The following DCC variants were observed in gnomAD, a reference collection of about 807,000 sequenced individuals.
DCC encodes netrin receptor DCC.
Under a neutral mutation model 172.5 loss-of-function variants are expected in DCC, and 58 were observed. The ratio of observed to expected loss-of-function variants is 0.34; its 90% CI spans 0.27 to 0.42. DCC has a LOEUF of 0.42. DCC is among the 10% of genes least tolerant of loss of function. DCC has a pLI of 1.00. For missense variants in DCC, 1,740 were observed against 1,791.0 expected (o/e 0.97, Z 0.51); for synonymous variants, 709 against 644.5 (o/e 1.10, Z -1.52).
At chr18:52,914,772 G>C (rs1016693924) in intron 3 of DCC, among the ~76,000 whole-genome samples, 14 of 152,254 alleles carry the variant, frequency 9.2e-5, no homozygotes, top group Admixed American at 9.2e-4. Flanking sequence ...ATGCGGGATG[G>C]CTAAGCAGCC....
chr18:53,005,173 A>G (rs556510925), intron 5 of DCC, among the ~76,000 whole-genome samples: 1 of 152,266 alleles, frequency 6.6e-6, no homozygotes, highest in East Asian at 1.9e-4. Context: ...GTTTTGCATA[A>G]CTTACCCAGT....
At chr18:52,984,020 C>T (rs1432376218) in intron 5 of DCC, among the ~76,000 whole-genome samples, 3 of 152,136 alleles carry the variant, frequency 2.0e-5, no homozygotes, top group East Asian at 3.9e-4. Context: ...AATATTTTCA[C>T]ACTATGGAAC....
chr18:52,713,479 T>C (rs1433455530), intron 1 of DCC, among the ~76,000 whole-genome samples: 2 of 152,142 alleles, frequency 1.3e-5, no homozygotes, highest in Middle Eastern at 3.2e-3. Flanking sequence ...CTGGTGCCAC[T>C]TGGGGTCTGG....
At chr18:52,895,961 T>G (rs1462855195) in intron 2 of DCC, among the ~76,000 whole-genome samples, 1 of 152,134 alleles carries the variant, frequency 6.6e-6, no homozygotes, top group African/African-American at 2.4e-5. Context: ...ATTTTTGTAC[T>G]TTTAGTTGAG....
rs1568164319 is a variant in DCC, at chr18:52,879,411, G to GTTTTTTTT, written c.413-26633_413-26632insTTTTTTTT. Among the ~76,000 whole-genome samples, 9 of 44,958 alleles carry GTTTTTTTT rather than the reference G, an allele frequency of 2.0e-4. 1 individual carries two copies. Among genetic ancestry groups the GTTTTTTTT allele is most frequent in the Admixed American group, 8.7e-4 (3 of 3,466 alleles). 29.5% of individuals were successfully genotyped at this position (44,958 alleles called of 152,430 possible). A position where few individuals can be genotyped will look rare whatever the true frequency, so the allele number is the denominator to read the frequency against. ...AAATTTCTAGCCCATATGTTGTTTG[G>GTTTTTTTT]CTTTTTTTTTTTTTTTTTTTTTTTT... On this transcript the variant is annotated intron_variant, in intron 2 of 28. Coordinates refer to ENST00000442544, the MANE Select transcript of DCC (RefSeq NM_005215.4).
At chr18:53,510,421 G>C (rs2046236480) in intron 27 of DCC, among the ~76,000 whole-genome samples, 1 of 152,146 alleles carries the variant, frequency 6.6e-6, no homozygotes, top group Non-Finnish European at 1.5e-5. Flanking sequence ...TATTTGAGCA[G>C]TCAAGTAGTT....
intron 7 of DCC, among the ~76,000 whole-genome samples, chr18:53,111,751 G>C (rs1269117032): frequency 6.6e-6 from 1 of 151,546 alleles, no homozygotes; most frequent in East Asian, 1.9e-4. Flanking sequence ...AATCCTGTTG[G>C]AATTAATTGA....
intron 27 of DCC, among the ~76,000 whole-genome samples, chr18:53,521,913 T>C (rs904340224): frequency 4.2e-4 from 64 of 152,054 alleles, no homozygotes; most frequent in Admixed American, 3.7e-3. Context: ...GTGTTAAACA[T>C]AGGAATGGAT....
chr18:53,251,730 TAAG>T lies in DCC; in HGVS notation c.1911+36139_1911+36141del, dbSNP rs1489464957. ...ACATAGGTATAGGAATGGCCAATAA[TAAG>T]AAGAATAGATGCTGAATATCATTAG... On this transcript the variant is annotated intron_variant, in intron 12 of 28. Transcript: ENST00000442544. Among the ~76,000 whole-genome samples, 5 of 152,012 alleles carry T rather than the reference TAAG, an allele frequency of 3.3e-5. No homozygotes were observed. The South Asian group carries it at 6.2e-4, about 19-fold the overall frequency.
chr18:52,356,996 G>A (rs990210154), intron 1 of DCC, among the ~76,000 whole-genome samples: 2 of 152,094 alleles, frequency 1.3e-5, no homozygotes, highest in African/African-American at 2.4e-5. Context: ...TGTTGGCCAG[G>A]CTGGTCTTGA....
intron 21 of DCC, among the ~76,000 whole-genome samples, chr18:53,430,341 C>G (rs1201792352): frequency 2.0e-5 from 3 of 152,132 alleles, no homozygotes; most frequent in Admixed American, 1.3e-4. Context: ...GGATGACCCT[C>G]TCTTATGCCC....
intron 1 of DCC, among the ~76,000 whole-genome samples, chr18:52,472,453 G>T (rs1205934848): frequency 6.6e-6 from 1 of 152,166 alleles, no homozygotes; most frequent in Non-Finnish European, 1.5e-5. Flanking sequence ...GAGTACGTTT[G>T]TCTTTGCCAT....
chr18:52,748,212 G>T (rs2036938904), intron 1 of DCC, among the ~76,000 whole-genome samples: 1 of 152,196 alleles, frequency 6.6e-6, no homozygotes, highest in Non-Finnish European at 1.5e-5. Flanking sequence ...CCTGTGAGGC[G>T]GCAGCTGGAC....
intron 1 of DCC, among the ~76,000 whole-genome samples, chr18:52,611,774 C>A (rs1394232157): frequency 1.3e-5 from 2 of 152,108 alleles, no homozygotes; most frequent in Non-Finnish European, 2.9e-5. Context: ...TTCTACCTTG[C>A]AAATGGACAG....
At chr18:52,796,808 G>A (rs2037885611) in intron 2 of DCC, among the ~76,000 whole-genome samples, 1 of 152,066 alleles carries the variant, frequency 6.6e-6, no homozygotes, top group African/African-American at 2.4e-5. Flanking sequence ...TTTTTGAATT[G>A]AACCTATTTG....
intron 25 of DCC, among the ~76,000 whole-genome samples, chr18:53,469,583 G>A (rs2045669912): frequency 6.6e-6 from 1 of 152,094 alleles, no homozygotes; most frequent in African/African-American, 2.4e-5. Context: ...TGCTCTCTGA[G>A]TGTCTTGTTG....
At chr18:52,428,379 CATA>C (rs1598810962) in intron 1 of DCC, among the ~76,000 whole-genome samples, 1 of 151,978 alleles carries the variant, frequency 6.6e-6, no homozygotes, top group Non-Finnish European at 1.5e-5. Context: ...GCCCTTGTGT[CATA>C]ATAAGATTAA....
intron 5 of DCC, among the ~76,000 whole-genome samples, chr18:52,992,827 T>C (rs1054050484): frequency 6.6e-6 from 1 of 151,888 alleles, no homozygotes; most frequent in Non-Finnish European, 1.5e-5. Flanking sequence ...ATTACAAAAT[T>C]AGCTGGGTGT....
intron 1 of DCC, among the ~76,000 whole-genome samples, chr18:52,597,962 T>A (rs1453670071): frequency 1.3e-5 from 2 of 152,208 alleles, no homozygotes; most frequent in Non-Finnish European, 2.9e-5. Flanking sequence ...TATTTTGTTT[T>A]GATTTATTGT....
Sources: allele counts gnomAD v4.1 joint callset (sites outside exome capture counted in the v4.1 genomes callset), GRCh38; gene constraint gnomAD v4.1.1; transcripts MANE v1.5; gene names NCBI Gene and HGNC (gene_info 2026-07-23, HGNC 2026-07-21).